DGKG: variants seen among roughly 807,000 people sequenced by gnomAD.
The protein encoded by DGKG is diacylglycerol kinase gamma, also known as DAG kinase gamma.
Under a neutral mutation model 105.3 loss-of-function variants are expected in DGKG, and 78 were observed. That is an observed-to-expected ratio of 0.74 (90% CI 0.62 to 0.89). DGKG has a LOEUF of 0.89. Ranked by LOEUF, DGKG falls within the 40% of genes least tolerant of loss-of-function variation. DGKG has a pLI of 0.00. For missense variants in DGKG, 958 were observed against 1,020.1 expected (o/e 0.94, Z 0.83); for synonymous variants, 346 against 367.1 (o/e 0.94, Z 0.66).
chr3:186,193,428 CACAG>C (rs1272334465), intron 21 of DGKG, among the ~76,000 whole-genome samples: 8 of 152,248 alleles, frequency 5.3e-5, no homozygotes, highest in African/African-American at 1.9e-4. Context: ...GCGTTATCAT[CACAG>C]GTTCCCCAAC....
At chr3:186,323,859 C>A (rs986748291) in intron 1 of DGKG, among the ~76,000 whole-genome samples, 18 of 151,052 alleles carry the variant, frequency 1.2e-4, no homozygotes, top group African/African-American at 4.1e-4. Context: ...ATGGTTTGAA[C>A]CCAGGATGCA....
chr3:186,316,537 A>C (rs1184188804), intron 2 of DGKG, among the ~76,000 whole-genome samples: 1 of 152,246 alleles, frequency 6.6e-6, no homozygotes, highest in South Asian at 2.1e-4. Flanking sequence ...ATATCACATT[A>C]GCTCTTTTGA....
At chr3:186,268,751 G>T in intron 12 of DGKG, 50 bp downstream of exon 12, 3 of 1,353,142 alleles carry the variant, frequency 2.2e-6, no homozygotes, top group Non-Finnish European at 3.2e-6. Context: ...GCTGCAGCTT[G>T]GGCAAAAAAA....
chr3:186,292,878 A>G (rs1723375331), intron 5 of DGKG, among the ~76,000 whole-genome samples: 1 of 152,220 alleles, frequency 6.6e-6, no homozygotes, highest in Non-Finnish European at 1.5e-5. Context: ...CTGTAAAAAA[A>G]TTATAGAAAA....
intron 1 of DGKG, among the ~76,000 whole-genome samples, chr3:186,326,260 T>TA (rs1725336374): frequency 6.6e-6 from 1 of 152,006 alleles, no homozygotes; most frequent in South Asian, 2.1e-4. Flanking sequence ...GGTGTGGTGG[T>TA]ACATGCCTGT....
chr3:186,215,335 C>A (rs1007165647), intron 20 of DGKG, among the ~76,000 whole-genome samples: 1 of 148,538 alleles, frequency 6.7e-6, no homozygotes, highest in Middle Eastern at 3.5e-3. Flanking sequence ...TGCTTGAACC[C>A]GGGAGGCGGA....
At chr3:186,343,061 CA>C (rs1405375063) in intron 1 of DGKG, among the ~76,000 whole-genome samples, 1 of 152,046 alleles carries the variant, frequency 6.6e-6, no homozygotes, top group East Asian at 1.9e-4. Flanking sequence ...ACAATAACAA[CA>C]AAAAACCCCA....
chr3:186,269,470 T>G (rs1293950485), intron 11 of DGKG, among the ~76,000 whole-genome samples: 1 of 152,158 alleles, frequency 6.6e-6, no homozygotes. Context: ...TTGAAGGGCC[T>G]CCCTGGTGCA....
chr3:186,267,766 T>C lies in DGKG; in HGVS notation c.1128A>G (p.Lys376=). ...CVWCRMTFHR[K]CELSTLCDGG... ...CGTCACACAACGTTGATAATTCACA[T>C]TTGCGGTGAAACTGGGGGGAGAAAT... The change falls in exon 13 of 25, where the codon AAA becomes AAG. Residue 376 remains lysine (K), a synonymous_variant. Coordinates refer to ENST00000265022, the MANE Select transcript of DGKG (RefSeq NM_001346.3). 6.2e-7 allele frequency: 1 copy of C among 1,613,850 alleles called. No individual in the cohort carries two copies. The highest frequency in any genetic ancestry group is 8.5e-7 in the Non-Finnish European group (1 of 1,179,832).
intron 22 of DGKG, among the ~76,000 whole-genome samples, chr3:186,186,109 A>AC (rs1717621943): frequency 6.6e-6 from 1 of 151,312 alleles, no homozygotes; most frequent in African/African-American, 2.4e-5. Flanking sequence ...AAAAAAAAAA[A>AC]AAAAAAAAGA....
intron 21 of DGKG, among the ~76,000 whole-genome samples, chr3:186,201,080 C>T (rs1718434425): frequency 6.6e-6 from 1 of 152,140 alleles, no homozygotes. Flanking sequence ...TGATGGGTTG[C>T]TTCAGAGTTG....
chr3:186,152,407 G>A (rs2108467652), intron 24 of DGKG, among the ~76,000 whole-genome samples: 1 of 152,284 alleles, frequency 6.6e-6, no homozygotes, highest in Non-Finnish European at 1.5e-5. Context: ...AGCATTCTTT[G>A]TTCCCCTGTG....
intron 20 of DGKG, among the ~76,000 whole-genome samples, chr3:186,223,576 C>T (rs934070062): frequency 2.6e-5 from 4 of 152,102 alleles, no homozygotes; most frequent in Admixed American, 2.6e-4. Context: ...TAAATACCCC[C>T]CTTCTCTTCC....
At chr3:186,251,630 G>A in intron 19 of DGKG, 129 bp downstream of exon 19, 2 of 1,033,180 alleles carry the variant, frequency 1.9e-6, no homozygotes, top group Non-Finnish European at 2.9e-6. Context: ...AGAATGCTTG[G>A]ACCCAACTCA....
At chr3:186,357,604 C>T (rs1245052362) in intron 1 of DGKG, among the ~76,000 whole-genome samples, 1 of 152,310 alleles carries the variant, frequency 6.6e-6, no homozygotes, top group East Asian at 1.9e-4. Flanking sequence ...TGAAGCTATG[C>T]GTGCACAGAA....
intron 1 of DGKG, among the ~76,000 whole-genome samples, chr3:186,321,674 T>A (rs907895962): frequency 6.6e-6 from 1 of 152,212 alleles, no homozygotes; most frequent in Admixed American, 6.5e-5. Flanking sequence ...ATATGAGCAG[T>A]GCTGGATGAG....
chr3:186,206,065 G>C (rs1718718065), intron 21 of DGKG, among the ~76,000 whole-genome samples: 1 of 152,028 alleles, frequency 6.6e-6, no homozygotes. Context: ...CTTCCCTTGT[G>C]AATATGTTTT....
At chr3:186,322,815 CT>C (rs1725143476) in intron 1 of DGKG, among the ~76,000 whole-genome samples, 1 of 152,322 alleles carries the variant, frequency 6.6e-6, no homozygotes. Context: ...CAAACCACCC[CT>C]GATCTGCATC....
intron 6 of DGKG, among the ~76,000 whole-genome samples, chr3:186,286,765 G>A (rs1322544537): frequency 6.6e-6 from 1 of 152,184 alleles, no homozygotes; most frequent in Admixed American, 6.5e-5. Context: ...CGGGTGCCAT[G>A]GCTCACACCT....
Sources: allele counts gnomAD v4.1 joint callset (sites outside exome capture counted in the v4.1 genomes callset), GRCh38; gene constraint gnomAD v4.1.1; transcripts MANE v1.5; gene names NCBI Gene and HGNC (gene_info 2026-07-23, HGNC 2026-07-21).